Variants in CLPTM1 observed in about 807,000 individuals in gnomAD.
CLPTM1 encodes the protein CLPTM1 regulator of GABA type A receptor forward trafficking.
CLPTM1 carries 21 observed loss-of-function variants against 77.3 expected under a neutral mutation model. The ratio of observed to expected loss-of-function variants is 0.27; its 90% confidence interval spans 0.19 to 0.39. The LOEUF (loss-of-function observed/expected upper bound fraction) is 0.39. Among genes scored for constraint, CLPTM1 ranks in the 10% least tolerant of loss-of-function variants. The pLI, the probability that CLPTM1 is intolerant of heterozygous loss-of-function variation, is 1.00. For missense variants in CLPTM1, 642 were observed against 921.2 expected, an observed-to-expected ratio of 0.70 and a Z score of 3.92; for synonymous variants, 373 against 381.0, an observed-to-expected ratio of 0.98 and a Z score of 0.24.
intron 2 of CLPTM1, among the ~76,000 whole-genome samples, chr19:44,965,991 G>T (rs1244148619): frequency 1.3e-5 from 2 of 152,152 alleles, no homozygotes; most frequent in African/African-American, 4.8e-5. Context: ...GGTTATGGGG[G>T]GCAGCTACTT....
At chr19:44,967,592 G>A (rs1220572767) in intron 2 of CLPTM1, among the ~76,000 whole-genome samples, 1 of 151,530 alleles carries the variant, frequency 6.6e-6, no homozygotes, top group African/African-American at 2.4e-5. Flanking sequence ...GGGAGGCGGA[G>A]GTTGCAGTGA....
intron 5 of CLPTM1, among the ~76,000 whole-genome samples, chr19:44,979,987 C>T (rs1970869058): frequency 6.6e-6 from 1 of 152,180 alleles, no homozygotes; most frequent in African/African-American, 2.4e-5. Flanking sequence ...GTATTTTCTG[C>T]AGTTTTGTCT....
At chr19:44,986,339 AAAAG>A (rs1970977403) in intron 6 of CLPTM1, 112 bp from the exon 7 acceptor site, 4 of 1,387,126 alleles carry the variant, frequency 2.9e-6, no homozygotes, top group African/African-American at 1.4e-5. Context: ...TCTCAGAAAA[AAAAG>A]AAAGCAAAGA....
At chr19:44,987,646 C>T in intron 8 of CLPTM1, 1 of 609,890 alleles carries the variant, frequency 1.6e-6, no homozygotes, top group African/African-American at 1.8e-5. Context: ...CTGTTGGACC[C>T]TTTGGGTCCA....
At chr19:44,988,496 G>A (rs974447405) in intron 9 of CLPTM1, among the ~76,000 whole-genome samples, 4 of 152,126 alleles carry the variant, frequency 2.6e-5, no homozygotes, top group African/African-American at 7.2e-5. Context: ...CACCCTGCCC[G>A]GCAGGCTGCC....
At chr19:44,972,862 C>T (rs939564317) in intron 2 of CLPTM1, among the ~76,000 whole-genome samples, 1 of 151,912 alleles carries the variant, frequency 6.6e-6, no homozygotes, top group African/African-American at 2.4e-5. Context: ...GCCAGCTACC[C>T]CCACACACTG....
At position 44,969,749 on chromosome 19, in the gene CLPTM1, A is replaced by G. The variant is rs139830695; in HGVS notation, c.186-3338A>G. Among the ~76,000 whole-genome samples, 652 of 146,316 alleles carry G rather than the reference A, an allele frequency of 4.5e-3. 6 individuals are homozygous for G. The highest frequency in any genetic ancestry group is 0.016 in the African/African-American group (617 of 39,480). ...GTCACCCAGACTGGAGTCCAGTGGC[A>G]TGATCTCGGCTCACTGCGACCTCCA... On this transcript the variant is annotated intron_variant, in intron 2 of 13. Coordinates refer to ENST00000337392, the MANE Select transcript of CLPTM1 (RefSeq NM_001294.4).
At position 44,955,389 on chromosome 19, in the gene CLPTM1, C is replaced by T. The variant is rs2122223896; in HGVS notation, c.-7C>T. On this transcript the variant is annotated 5_prime_UTR_variant, in exon 1 of 14. Transcript: ENST00000337392. ...TGGCGGCGGGGGCGGGGACCCGGAGCGGGAAGATGGCGGCGGCGCAGGAGG... is the reference window on the plus strand; with the variant it reads ...TGGCGGCGGGGGCGGGGACCCGGAGTGGGAAGATGGCGGCGGCGCAGGAGG... 1 of 1,310,602 alleles carries T rather than the reference C, an allele frequency of 7.6e-7. No homozygotes were observed. The allele number at this position is 1,310,602 out of a possible 1,614,324, so 81.2% of individuals were successfully genotyped here.
intron 2 of CLPTM1, among the ~76,000 whole-genome samples, chr19:44,969,392 C>T (rs56834222): frequency 0.093 from 14,198 of 151,994 alleles, 1,098 homozygotes; most frequent in African/African-American, 0.21. Context: ...GTTATCATAC[C>T]TATAATTAAT....
chr19:44,993,095 C>A lies in CLPTM1; in HGVS notation c.*198C>A. ...TTGTTTGTGGAGGCGCTGTCTGTCC[C>A]TCTGTCCCTCTGTGTTTCCAGCCAT... is the stretch of plus-strand genomic sequence containing the variant. On this transcript the variant is annotated 3_prime_UTR_variant, in exon 14 of 14. Coordinates refer to ENST00000337392, the MANE Select transcript of CLPTM1 (RefSeq NM_001294.4). The A allele has an allele frequency of 1.4e-6, 1 of 710,920 alleles. No individual in the cohort carries two copies. Among genetic ancestry groups the A allele is most frequent in the East Asian group, 2.7e-5 (1 of 36,616 alleles). The allele number at this position is 710,920 out of a possible 1,614,324, so 44.0% of individuals were successfully genotyped here.
intron 2 of CLPTM1, among the ~76,000 whole-genome samples, chr19:44,971,460 A>G (rs966369253): frequency 2.6e-5 from 4 of 152,178 alleles, no homozygotes; most frequent in Admixed American, 1.3e-4. Context: ...ATCACTTACT[A>G]TCTGCTTCTC....
chr19:44,961,267 G>C (rs1408583532), intron 1 of CLPTM1, among the ~76,000 whole-genome samples: 11 of 152,220 alleles, frequency 7.2e-5, no homozygotes, highest in Admixed American at 4.6e-4. Flanking sequence ...GTCTGGTTGT[G>C]TTTTTCTGTG....
chr19:44,986,849 T>G (rs1970986732), intron 7 of CLPTM1: 1 of 531,416 alleles, frequency 1.9e-6, no homozygotes, highest in Admixed American at 3.6e-5. Context: ...TCTTATCACT[T>G]GCCAGCTTTT....
At chr19:44,968,211 T>A (rs536862056) in intron 2 of CLPTM1, among the ~76,000 whole-genome samples, 2 of 152,298 alleles carry the variant, frequency 1.3e-5, no homozygotes, top group Admixed American at 1.3e-4. Context: ...TCGGAGACCA[T>A]CTTGGCTGCA....
chr19:44,957,141 C>T (rs1212122411), intron 1 of CLPTM1, among the ~76,000 whole-genome samples: 3 of 152,204 alleles, frequency 2.0e-5, no homozygotes, highest in African/African-American at 7.2e-5. Context: ...AAAGGGGATC[C>T]GCTGCTCTGA....
intron 5 of CLPTM1, among the ~76,000 whole-genome samples, chr19:44,978,025 G>A (rs75363753): frequency 3.9e-5 from 6 of 152,122 alleles, no homozygotes; most frequent in African/African-American, 1.4e-4. Flanking sequence ...TGGGAGGATC[G>A]CTTGAGCCCA....
chr19:44,954,964 G>T, upstream of CLPTM1: 2 of 1,534,012 alleles, frequency 1.3e-6, no homozygotes, highest in Non-Finnish European at 1.7e-6. Context: ...TGACGAAAGA[G>T]GGGCGTGGTT....
Position 44,993,256 on chromosome 19 carries a change from C to T in CLPTM1, c.*359C>T, listed in dbSNP as rs1422218053. 2.6e-5 allele frequency: 13 copies of T among 493,386 alleles called. No individual in the cohort carries two copies. Among genetic ancestry groups the T allele is most frequent in the Non-Finnish European group, 5.1e-5 (13 of 255,576 alleles). The allele number at this position is 493,386 out of a possible 1,614,324, so 30.6% of individuals were successfully genotyped here. On this transcript the variant is annotated 3_prime_UTR_variant, in exon 14 of 14. Coordinates refer to ENST00000337392, the MANE Select transcript of CLPTM1 (RefSeq NM_001294.4). ...GCCGTTCATCATCTTGTCCCTCGTC[C>T]CCCTACCACACTCCCCCTCCTAGAC...
intron 2 of CLPTM1, among the ~76,000 whole-genome samples, chr19:44,965,799 G>T (rs950059539): frequency 1.3e-5 from 2 of 152,234 alleles, no homozygotes; most frequent in Non-Finnish European, 2.9e-5. Context: ...AGGCGACAGC[G>T]AGACTCCGTC....
Sources: gnomAD v4.1 joint callset for allele counts (sites outside exome capture counted in the v4.1 genomes callset) on GRCh38, gnomAD v4.1.1 for gene constraint, MANE v1.5 for transcripts, NCBI Gene and HGNC (gene_info 2026-07-23, HGNC 2026-07-21) for gene names.